The following ABCB8 variants were observed in gnomAD, a reference collection of about 807,000 sequenced individuals.
ABCB8 encodes the protein ATP binding cassette subfamily B member 8.
Under a neutral mutation model 73.0 loss-of-function variants are expected in ABCB8, and 52 were observed. The ratio of observed to expected loss-of-function variants is 0.71; its 90% CI spans 0.57 to 0.90. The LOEUF is 0.90. ABCB8 is among the 40% of genes least tolerant of loss of function. ABCB8 has a pLI of 0.00. For missense variants in ABCB8, 909 were observed against 974.6 expected, an observed-to-expected ratio of 0.93 and a Z score of 0.90; for synonymous variants, 428 against 423.5, an observed-to-expected ratio of 1.01 and a Z score of -0.13.
In ABCB8 at chr7:151,034,534, G is replaced by T; in HGVS notation, c.594G>T (p.Leu198=). Residue 198 remains leucine, a synonymous_variant, in exon 4 of 16, where the codon CTG becomes CTT. Transcript: ENST00000358849. The part of the protein sequence containing the change: ...QGLLTFGYLV[L]LSHVGERMAV... ...TGCTGACCTTCGGGTACCTGGTGCTGCTGTCCCACGTTGGCGAGCGCATGG... is the reference window on the plus strand; with the variant it reads ...TGCTGACCTTCGGGTACCTGGTGCTTCTGTCCCACGTTGGCGAGCGCATGG... 6.2e-7 allele frequency: 1 copy of T among 1,613,434 alleles called. No homozygotes were observed. The highest frequency in any genetic ancestry group is 8.5e-7 in the Non-Finnish European group (1 of 1,180,022).
chr7:151,043,099 C>G lies in ABCB8; in HGVS notation c.1766-872C>G, dbSNP rs540330575. ...GCTTCGAATCCCACCTCCCTGGAGT[C>G]ACTGGACCCCAGAGCCCATGTTTGG... On this transcript the variant is annotated intron_variant, in intron 14 of 15. Transcript: ENST00000358849. Among the ~76,000 whole-genome samples the G allele has an allele frequency of 1.2e-3, 189 of 152,376 alleles. 1 individual carries two copies. The highest frequency in any genetic ancestry group is 4.4e-3 in the African/African-American group (182 of 41,590).
At chr7:151,032,595 G>A (rs1796193059) in intron 1 of ABCB8, among the ~76,000 whole-genome samples, 1 of 152,008 alleles carries the variant, frequency 6.6e-6, no homozygotes, top group Non-Finnish European at 1.5e-5. Context: ...TCAGGAGGCT[G>A]AGGCAGGAGA....
At chr7:151,040,943 C>T (rs960179294) in intron 12 of ABCB8, 21 bp downstream of exon 12, 16 of 1,598,260 alleles carry the variant, frequency 1.0e-5, no homozygotes, top group East Asian at 2.3e-5. Flanking sequence ...CCCACCACCT[C>T]TTCACCCTCT....
intron 9 of ABCB8, chr7:151,040,029 G>A (rs929131555): frequency 1.9e-6 from 1 of 517,830 alleles, no homozygotes; most frequent in Admixed American, 3.8e-5. Context: ...CCCCCTCCCA[G>A]GGGCTTGGGC....
At chr7:151,042,187 T>G in intron 14 of ABCB8, 79 bp downstream of exon 14, 11 of 1,576,502 alleles carry the variant, frequency 7.0e-6, no homozygotes, top group Non-Finnish European at 9.5e-6. Flanking sequence ...AGCAGCCCAG[T>G]GGGACTGAGG....
Position 151,042,084 on chromosome 7 carries a change from C to T in ABCB8, c.1741C>T (p.Pro581Ser). 3 of 1,613,166 alleles carry T rather than the reference C, an allele frequency of 1.9e-6. No individual in the cohort carries two copies. The highest frequency in any genetic ancestry group is 2.5e-6 in the Non-Finnish European group (3 of 1,179,948). Residue 581 changes from proline (P) to serine (S), a missense_variant, in exon 14 of 16, where the codon CCC becomes TCC. Coordinates refer to ENST00000358849, the MANE Select transcript of ABCB8 (RefSeq NM_007188.5). ...ANAHEFITSF[P>S]EGYNTVVGER... ...TGCTCACGAGTTCATCACCAGCTTC[C>T]CCGAGGGCTACAACACGGTCGTCGG...
chr7:151,043,747 T>TA (rs1796535661), intron 14 of ABCB8, among the ~76,000 whole-genome samples: 2 of 19,186 alleles, frequency 1.0e-4, no homozygotes, highest in South Asian at 1.9e-3. Context: ...CAGTGCGGGG[T>TA]GGGGGTCAGA....
chr7:151,035,519 G>C, intron 5 of ABCB8, 62 bp from the exon 6 acceptor site: 1 of 1,523,342 alleles, frequency 6.6e-7, no homozygotes, highest in Non-Finnish European at 8.8e-7. Context: ...CTGACCCTTG[G>C]AAAAGTCCTT....
intron 14 of ABCB8, 110 bp downstream of exon 14, chr7:151,042,218 G>A: frequency 6.8e-7 from 1 of 1,478,356 alleles, no homozygotes; most frequent in Admixed American, 1.9e-5. Flanking sequence ...CAGCTGGGGA[G>A]AAAGACAGTT....
At position 151,041,083 on chromosome 7, in the gene ABCB8, C is replaced by G. The variant is rs1796448857; in HGVS notation, c.1484-16C>G. The G allele has an allele frequency of 6.2e-7, 1 of 1,613,636 alleles. No individual in the cohort carries two copies. The stretch of plus-strand genomic sequence containing the variant: ...TAGAATCCCTGGCCTCCCTCCCTCT[C>G]AACCCAATTCCCCAGGAAAGACCAC... On this transcript the variant is annotated splice_polypyrimidine_tract_variant and intron_variant, in intron 12 of 15. Coordinates refer to ENST00000358849, the MANE Select transcript of ABCB8 (RefSeq NM_007188.5).
At chr7:151,032,825 TC>T (rs2117206000) in intron 1 of ABCB8, 1 of 333,654 alleles carries the variant, frequency 3.0e-6, no homozygotes, top group East Asian at 7.6e-5. Context: ...TTCTTATTTT[TC>T]TCTGTTTCCT....
In ABCB8 at chr7:151,045,438, A is replaced by G; in HGVS notation, c.*89A>G. The G allele has an allele frequency of 7.4e-7, 1 of 1,356,538 alleles. No individual in the cohort carries two copies. Among genetic ancestry groups the G allele is most frequent in the South Asian group, 1.8e-5 (1 of 54,330 alleles). 84.0% of individuals were successfully genotyped at this position (1,356,538 alleles called of 1,614,324 possible). ...GGAGCCTACTGGGGACTGAGCCCCC[A>G]GGAGGGCCAGCATGTGGAGAGTCGC... is the stretch of plus-strand genomic sequence containing the variant. On this transcript the variant is annotated 3_prime_UTR_variant, in exon 16 of 16. Transcript: ENST00000358849.
At chr7:151,030,480 G>A (rs527956772) in intron 1 of ABCB8, among the ~76,000 whole-genome samples, 2 of 149,416 alleles carry the variant, frequency 1.3e-5, no homozygotes, top group African/African-American at 4.9e-5. Flanking sequence ...GTGCCATTGC[G>A]CTCCAGCATG....
At chr7:151,040,060 A>G in intron 9 of ABCB8, 1 of 575,382 alleles carries the variant, frequency 1.7e-6, no homozygotes, top group South Asian at 2.4e-5. Context: ...GACAGCTGTC[A>G]TCCTCATCTG....
intron 2 of ABCB8, 103 bp from the exon 3 acceptor site, chr7:151,034,170 G>A (rs1374360369): frequency 5.9e-6 from 8 of 1,348,432 alleles, no homozygotes; most frequent in South Asian, 2.7e-5. Flanking sequence ...CTGGACAAGC[G>A]CAGTGCTCAG....
intron 1 of ABCB8, chr7:151,029,738 C>T (rs887286968): frequency 1.2e-4 from 19 of 152,238 alleles, no homozygotes; most frequent in African/African-American, 4.3e-4. Flanking sequence ...AACTCCTGAC[C>T]TCGGGTGATC....
chr7:151,034,641 C>G, intron 4 of ABCB8, 42 bp downstream of exon 4: 1 of 1,612,944 alleles, frequency 6.2e-7, no homozygotes, highest in East Asian at 2.2e-5. Flanking sequence ...TGACTGATGG[C>G]CTGAGGGGTC....
rs530210892 is a variant in ABCB8 at position 151,041,891 on chromosome 7, T to C, written c.1618-70T>C. The C allele has an allele frequency of 2.9e-4, 446 of 1,556,750 alleles. 8 individuals carry two copies. The South Asian group carries it at 4.8e-3, about 17-fold the overall frequency. ...AGATAGACTGTCCCATTGTGTATGG[T>C]GGCCCCTCCAGTTTCTGGGGCAAAG... On this transcript the variant is annotated intron_variant, in intron 13 of 15. Coordinates refer to ENST00000358849, the MANE Select transcript of ABCB8 (RefSeq NM_007188.5).
chr7:151,036,305 G>T, intron 8 of ABCB8, 135 bp downstream of exon 8: 1 of 985,148 alleles, frequency 1.0e-6, no homozygotes, highest in East Asian at 2.6e-5. Context: ...AACTCTTGCA[G>T]GTAAAGGGAG....
Sources: gnomAD v4.1 joint callset for allele counts (sites outside exome capture counted in the v4.1 genomes callset) on GRCh38, gnomAD v4.1.1 for gene constraint, MANE v1.5 for transcripts, NCBI Gene and HGNC (gene_info 2026-07-23, HGNC 2026-07-21) for gene names.